Variants in MTRF1 observed in about 807,000 individuals in gnomAD.
The protein encoded by MTRF1 is mitochondrial translation release factor 1.
MTRF1 carries 51 observed loss-of-function variants against 62.9 expected under a neutral mutation model. That is an observed-to-expected ratio of 0.81 (90% CI 0.65 to 1.02). MTRF1 has a LOEUF of 1.02. Ranked by LOEUF, MTRF1 falls within the 50% of genes least tolerant of loss-of-function variation. The pLI is 0.00. For synonymous variants in MTRF1, 158 were observed against 181.9 expected, an observed-to-expected ratio of 0.87 and a Z score of 1.06; for missense variants, 446 against 530.0, an observed-to-expected ratio of 0.84 and a Z score of 1.56.
At chr13:41,232,042 C>T (rs113908268) in intron 7 of MTRF1, among the ~76,000 whole-genome samples, 8,456 of 151,930 alleles carry the variant, frequency 0.056, 279 homozygotes, top group Non-Finnish European at 0.079. Context: ...CACTGTACTC[C>T]AGCCTGGGCA....
At chr13:41,310,418 C>A in the MTRF1 span, among the ~76,000 whole-genome samples, 1 of 152,240 alleles carries the variant, frequency 6.6e-6, no homozygotes, top group East Asian at 1.9e-4. Flanking sequence ...CGCCTGTAAT[C>A]CCAGCACTTT....
At chr13:41,311,240 C>G in the MTRF1 span, 12 of 521,490 alleles carry the variant, frequency 2.3e-5, no homozygotes, top group South Asian at 5.0e-5. Flanking sequence ...GGATCCGGCT[C>G]GGGAGGCGGA....
At chr13:41,233,011 A>T (rs2138837345) in intron 7 of MTRF1, among the ~76,000 whole-genome samples, 1 of 152,370 alleles carries the variant, frequency 6.6e-6, no homozygotes, top group Non-Finnish European at 1.5e-5. Flanking sequence ...TGTTCATTAT[A>T]TGAACACAGT....
At chr13:41,249,607 TG>T (rs2038762266) in intron 5 of MTRF1, among the ~76,000 whole-genome samples, 1 of 146,056 alleles carries the variant, frequency 6.8e-6, no homozygotes, top group African/African-American at 2.5e-5. Flanking sequence ...TCTTAGTCTT[TG>T]ATTTTTTTTT....
chr13:41,296,676 C>A, the MTRF1 span, among the ~76,000 whole-genome samples: 1 of 151,818 alleles, frequency 6.6e-6, no homozygotes, highest in Admixed American at 6.6e-5. Flanking sequence ...AATATTTTGT[C>A]AGTCATAATT....
At chr13:41,257,853 T>A (rs1371658729) in intron 2 of MTRF1, 4 of 390,436 alleles carry the variant, frequency 1.0e-5, no homozygotes, top group African/African-American at 2.0e-5. Flanking sequence ...CTCATAAGGT[T>A]ACCTGAGCAT....
the MTRF1 span, among the ~76,000 whole-genome samples, chr13:41,279,985 T>C: frequency 6.6e-6 from 1 of 152,222 alleles, no homozygotes; most frequent in Non-Finnish European, 1.5e-5. Context: ...TTGCCCAGGC[T>C]GGAGGACAGT....
chr13:41,249,781 C>T (rs1430501210), intron 5 of MTRF1, among the ~76,000 whole-genome samples: 1 of 151,506 alleles, frequency 6.6e-6, no homozygotes, highest in Non-Finnish European at 1.5e-5. Flanking sequence ...TACGCACTGC[C>T]ACGCCTGGCC....
the MTRF1 span, among the ~76,000 whole-genome samples, chr13:41,302,312 G>A: frequency 3.5e-4 from 53 of 152,068 alleles, 1 homozygote; most frequent in East Asian, 9.7e-3. Flanking sequence ...TTACAGGTGC[G>A]AGCCACCGTG....
the MTRF1 span, among the ~76,000 whole-genome samples, chr13:41,278,266 C>A: frequency 2.0e-5 from 3 of 152,164 alleles, no homozygotes; most frequent in African/African-American, 7.2e-5. Flanking sequence ...AGGTTCTTGG[C>A]GTCTCGAACA....
chr13:41,250,815 T>G (rs1054960241), intron 5 of MTRF1, among the ~76,000 whole-genome samples: 1 of 152,234 alleles, frequency 6.6e-6, no homozygotes, highest in South Asian at 2.1e-4. Context: ...TCAAACTTAA[T>G]GATTCAAAAA....
intron 2 of MTRF1, among the ~76,000 whole-genome samples, chr13:41,258,147 T>C (rs9590578): frequency 0.016 from 2,407 of 152,214 alleles, 78 homozygotes; most frequent in African/African-American, 0.054. Context: ...GAGTAAAAAA[T>C]ATCTCCATTA....
At chr13:41,311,543 G>A in the MTRF1 span, 1 of 1,607,238 alleles carries the variant, frequency 6.2e-7, no homozygotes, top group South Asian at 1.1e-5. Context: ...CGAACGTGCT[G>A]CTGCCGCCCA....
intron 7 of MTRF1, among the ~76,000 whole-genome samples, chr13:41,230,184 G>GTA (rs1287855882): frequency 7.9e-5 from 12 of 151,846 alleles, no homozygotes; most frequent in African/African-American, 2.9e-4. Flanking sequence ...TTGAAAGGAT[G>GTA]TATACCAAAG....
upstream of MTRF1, among the ~76,000 whole-genome samples, chr13:41,265,809 A>T (rs2040828214): frequency 6.6e-6 from 1 of 152,080 alleles, no homozygotes; most frequent in African/African-American, 2.4e-5. Context: ...TAAGAAACAA[A>T]TTTCTGTTGT....
Position 41,260,490 on chromosome 13 carries a change from TA to T in MTRF1, c.415+2del. The T allele has an allele frequency of 6.2e-7, 1 of 1,608,406 alleles. No individual in the cohort carries two copies. The highest frequency in any genetic ancestry group is 8.5e-7 in the Non-Finnish European group (1 of 1,176,494). On this transcript the variant is annotated splice_donor_variant, in intron 2 of 9. Coordinates refer to ENST00000379480, the MANE Select transcript of MTRF1 (RefSeq NM_004294.4). LOFTEE classifies it high-confidence loss of function. ...GCAGGACACATAAGTATCTTTTACC[TA>T]CTTTTACACATTGATTCTAATTCTT... is the stretch of plus-strand genomic sequence containing the variant.
chr13:41,254,633 A>C lies in MTRF1; in HGVS notation c.416-13T>G, dbSNP rs766909867. 3.6e-5 allele frequency: 58 copies of C among 1,595,664 alleles called. 1 individual carries two copies. Among genetic ancestry groups the C allele is most frequent in the Non-Finnish European group, 4.8e-5 (56 of 1,165,204 alleles). On this transcript the variant is annotated splice_polypyrimidine_tract_variant and intron_variant, in intron 2 of 9. Transcript: ENST00000379480. ...TGTTTATTTAGGCCTAAAAGCCAGA[A>C]ACAGAAATAATGATAAAGTTTTTAA...
At chr13:41,290,644 C>T in the MTRF1 span, among the ~76,000 whole-genome samples, 190 of 141,558 alleles carry the variant, frequency 1.3e-3, no homozygotes, top group Middle Eastern at 0.019. Flanking sequence ...CCGCCCACCT[C>T]GGCCTCCCAA....
the MTRF1 span, among the ~76,000 whole-genome samples, chr13:41,280,334 T>C: frequency 6.6e-6 from 1 of 151,630 alleles, no homozygotes; most frequent in Non-Finnish European, 1.5e-5. Context: ...AATTTATCTA[T>C]AGCTTGGAAG....
Sources: gnomAD v4.1 joint callset for allele counts (sites outside exome capture counted in the v4.1 genomes callset) on GRCh38, gnomAD v4.1.1 for gene constraint, MANE v1.5 for transcripts, NCBI Gene and HGNC (gene_info 2026-07-23, HGNC 2026-07-21) for gene names.